The following LMF1 variants were observed in gnomAD, a reference collection of about 807,000 sequenced individuals.
LMF1 encodes transmembrane protein 112.
In LMF1, 68 loss-of-function variants were observed where a neutral mutation model predicts 60.6. The ratio of observed to expected loss-of-function variants is 1.12; its 90% CI spans 0.92 to 1.37. The LOEUF (loss-of-function observed/expected upper bound fraction) is 1.37. LMF1 is among the 40% of genes most tolerant of loss of function. The pLI is 0.00. For synonymous variants in LMF1, 418 were observed against 324.7 expected, an observed-to-expected ratio of 1.29 and a Z score of -3.09; for missense variants, 948 against 767.2, an observed-to-expected ratio of 1.24 and a Z score of -2.78.
At chr16:918,285 G>C (rs1157102089) in intron 3 of LMF1, among the ~76,000 whole-genome samples, 1 of 152,186 alleles carries the variant, frequency 6.6e-6, no homozygotes, top group Non-Finnish European at 1.5e-5. Context: ...GTTCGTACTT[G>C]GTTGCCGTGA....
intron 6 of LMF1, among the ~76,000 whole-genome samples, chr16:877,577 C>T (rs17145994): frequency 0.015 from 2,303 of 152,204 alleles, 65 homozygotes; most frequent in African/African-American, 0.05. Context: ...GATGGAGAAA[C>T]GCCACAACTC....
intron 3 of LMF1, among the ~76,000 whole-genome samples, chr16:922,509 A>G (rs1321455634): frequency 6.6e-6 from 1 of 152,208 alleles, no homozygotes; most frequent in Admixed American, 6.5e-5. Context: ...ACTAACATGG[A>G]CGTGAAGAAA....
At chr16:862,623 T>C (rs538240811) in intron 10 of LMF1, among the ~76,000 whole-genome samples, 1 of 152,192 alleles carries the variant, frequency 6.6e-6, no homozygotes, top group South Asian at 2.1e-4. Context: ...TTTGGGAGGC[T>C]GAGGTGGGAG....
In LMF1 at chr16:854,086, G is replaced by C; in HGVS notation, c.*446C>G. On this transcript the variant is annotated 3_prime_UTR_variant, in exon 11 of 11. Coordinates refer to ENST00000262301, the MANE Select transcript of LMF1 (RefSeq NM_022773.4). Reference sequence around the variant, plus strand: ...ACGTGACAGGGACTTGGCTCTGAGGGTCAGGACCTGGCTGGGAACACACCA... The same window carrying C: ...ACGTGACAGGGACTTGGCTCTGAGGCTCAGGACCTGGCTGGGAACACACCA... The C allele has an allele frequency of 2.2e-6, 1 of 457,156 alleles. No homozygotes were observed. Among genetic ancestry groups the C allele is most frequent in the South Asian group, 1.6e-5 (1 of 64,500 alleles). The allele number at this position is 457,156 out of a possible 1,614,324, so 28.3% of individuals were successfully genotyped here. A position where few individuals can be genotyped will look rare whatever the true frequency, so the allele number is the denominator to read the frequency against.
intron 8 of LMF1, 55 bp from the exon 9 acceptor site, chr16:870,121 G>C: frequency 1.9e-6 from 3 of 1,554,480 alleles, no homozygotes; most frequent in East Asian, 2.3e-5. Flanking sequence ...TGGGCCGAGT[G>C]GGGTGCATGG....
chr16:889,366 A>ATGGGTGTGAGGCTGCGGACGGCCG (rs1567188704), intron 5 of LMF1, among the ~76,000 whole-genome samples: 1 of 145,864 alleles, frequency 6.9e-6, no homozygotes, highest in African/African-American at 2.6e-5. Context: ...GCGGATGGCC[A>ATGGGTGTGAGGCTGCGGACGGCCG]TGGGTGTGAG....
Position 871,162 on chromosome 16 carries a change from G to A in LMF1, c.1077C>T (p.Phe359=), listed in dbSNP as rs751616447. 3.4e-5 allele frequency: 54 copies of A among 1,584,870 alleles called. No homozygotes were observed. Among genetic ancestry groups the A allele is most frequent in the Middle Eastern group, 2.0e-4 (1 of 4,924 alleles). The change falls in exon 7 of 11, where the codon TTC becomes TTT. Residue 359 remains phenylalanine (F), a splice_region_variant and synonymous_variant. Coordinates refer to ENST00000262301, the MANE Select transcript of LMF1 (RefSeq NM_022773.4). The part of the protein sequence containing the change: ...DIRGARPEPR[F]GSVVRRAANV... ...GGGGCCCCCAGCTGAGCCACCTACC[G>A]AATCTGGGCTCGGGCCGGGCCCCTC... is the stretch of plus-strand genomic sequence containing the variant.
chr16:885,478 T>C (rs1230932973), intron 5 of LMF1, among the ~76,000 whole-genome samples: 3 of 152,058 alleles, frequency 2.0e-5, no homozygotes, highest in African/African-American at 7.2e-5. Flanking sequence ...GACCCAAGCA[T>C]ACGCCAGCTC....
intron 3 of LMF1, among the ~76,000 whole-genome samples, chr16:928,703 C>T (rs1327361506): frequency 6.6e-6 from 1 of 151,628 alleles, no homozygotes; most frequent in African/African-American, 2.4e-5. Context: ...CGAGCCCCTC[C>T]CCACATCCCC....
intron 1 of LMF1, among the ~76,000 whole-genome samples, chr16:959,463 G>T (rs1320394477): frequency 6.6e-6 from 1 of 152,192 alleles, no homozygotes; most frequent in Non-Finnish European, 1.5e-5. Context: ...TGGAGCTGGG[G>T]TGATGGAGGC....
intron 6 of LMF1, 71 bp from the exon 7 acceptor site, chr16:871,412 T>C: frequency 1.7e-6 from 2 of 1,205,556 alleles, no homozygotes; most frequent in Non-Finnish European, 1.2e-6. Flanking sequence ...GCGCCTCTCT[T>C]CCTGGAGCAG....
Position 950,240 on chromosome 16 carries a change from T to TGACAGAGTCAGCCAAC in LMF1, c.503+4101_503+4116dup, listed in dbSNP as rs1157609754. On this transcript the variant is annotated intron_variant, in intron 2 of 10. Transcript: ENST00000262301. ...GAGACAGCGACAGAGTTAGAGACAA[T>TGACAGAGTCAGCCAAC]GACAGAGTCAGCCAACGACAGAGTC... Among the ~76,000 whole-genome samples, 5 of 43,346 alleles carry TGACAGAGTCAGCCAAC rather than the reference T, an allele frequency of 1.2e-4. 2 individuals carry two copies. The highest frequency in any genetic ancestry group is 1.1e-3 in the South Asian group (1 of 876). The allele number at this position is 43,346 out of a possible 152,430, so 28.4% of individuals were successfully genotyped here.
At chr16:978,811 A>C (rs976580154) in intron 1 of LMF1, among the ~76,000 whole-genome samples, 12 of 151,788 alleles carry the variant, frequency 7.9e-5, no homozygotes, top group African/African-American at 2.9e-4. Context: ...CATCAGGTGG[A>C]CTCAGAGGTG....
At chr16:964,107 G>T (rs1054962266) in intron 1 of LMF1, 3 of 455,892 alleles carry the variant, frequency 6.6e-6, no homozygotes, top group Non-Finnish European at 1.3e-5. Context: ...GCCAACAGCA[G>T]GCATGGCCGA....
intron 6 of LMF1, among the ~76,000 whole-genome samples, chr16:875,849 G>A (rs1364661744): frequency 1.3e-5 from 2 of 152,112 alleles, no homozygotes; most frequent in African/African-American, 2.4e-5. Context: ...GTGTGGGGTC[G>A]GGGTGACTCC....
chr16:934,169 A>G, intron 3 of LMF1, 75 bp downstream of exon 3: 2 of 1,598,192 alleles, frequency 1.3e-6, no homozygotes, highest in Non-Finnish European at 8.5e-7. Context: ...GAGGCCAGGA[A>G]AAGTGCGTGA....
chr16:953,287 A>ACACC (rs1446733055), intron 2 of LMF1, among the ~76,000 whole-genome samples: 1 of 18,158 alleles, frequency 5.5e-5, no homozygotes, highest in African/African-American at 5.6e-4. Context: ...GTCCACACAG[A>ACACC]CACCCCAAAC....
chr16:941,988 G>A (rs2072112140), intron 2 of LMF1, among the ~76,000 whole-genome samples: 1 of 152,178 alleles, frequency 6.6e-6, no homozygotes, highest in Non-Finnish European at 1.5e-5. Context: ...CATGTCCAGT[G>A]GATTTTACTC....
chr16:891,429 A>G (rs9922229), intron 5 of LMF1, among the ~76,000 whole-genome samples: 57,801 of 152,148 alleles, frequency 0.38, 12,107 homozygotes, highest in African/African-American at 0.54. Context: ...GCGCCTCAGC[A>G]TCTCTTGCCA....
Sources: gnomAD v4.1 joint callset for allele counts (sites outside exome capture counted in the v4.1 genomes callset) on GRCh38, gnomAD v4.1.1 for gene constraint, MANE v1.5 for transcripts, NCBI Gene and HGNC (gene_info 2026-07-23, HGNC 2026-07-21) for gene names.